The following RRM2 variants were observed in gnomAD, a reference collection of about 807,000 sequenced individuals.
RRM2 encodes ribonucleoside-diphosphate reductase subunit M2.
In RRM2, 6 loss-of-function variants were observed where a neutral mutation model predicts 45.9. That is an observed-to-expected ratio of 0.13 (90% CI 0.07 to 0.26). The LOEUF (loss-of-function observed/expected upper bound fraction) is 0.26. Among genes scored for constraint, RRM2 ranks in the 10% least tolerant of loss-of-function variants. The pLI, the probability that RRM2 is intolerant of heterozygous loss-of-function variation, is 1.00. For synonymous variants in RRM2, 177 were observed against 173.0 expected (o/e 1.02, Z -0.18); for missense variants, 343 against 489.5 (o/e 0.70, Z 2.82).
In RRM2 at chr2:10,185,270, CG is replaced by C. The variant is rs1438630377; in HGVS notation, n.483-25040del. On this transcript the variant is annotated intron_variant and non_coding_transcript_variant, in intron 3 of 3. Transcript: ENST00000381786. The surrounding 1 kb of genome is among the most constrained non-coding windows in gnomAD (Gnocchi z 4.3). ...GAGAGAGCGTGAAAGCGAGACAGAGCGTGAGAGTGAGAGAGAGAGAGAGAGG... is the reference window on the plus strand; with the variant it reads ...GAGAGAGCGTGAAAGCGAGACAGAGCTGAGAGTGAGAGAGAGAGAGAGAGG... Among the ~76,000 whole-genome samples the C allele has an allele frequency of 2.1e-5, 3 of 139,642 alleles. No homozygotes were observed. Among genetic ancestry groups the C allele is most frequent in the Non-Finnish European group, 5.0e-5 (3 of 60,174 alleles). The allele number at this position is 139,642 out of a possible 152,430, so 91.6% of individuals were successfully genotyped here.
downstream of RRM2, among the ~76,000 whole-genome samples, chr2:10,131,737 A>G (rs887177789): frequency 2.6e-5 from 4 of 151,126 alleles, no homozygotes; most frequent in African/African-American, 7.3e-5. Context: ...AGACTGTCTG[A>G]AAAAAAAAGG....
intron 5 of RRM2, among the ~76,000 whole-genome samples, chr2:10,125,351 TG>T (rs992338399): frequency 1.3e-5 from 2 of 152,188 alleles, no homozygotes; most frequent in Non-Finnish European, 2.9e-5. Context: ...AGGTCTGTTT[TG>T]TTTTGGAGAT....
intron 3 of RRM2, among the ~76,000 whole-genome samples, chr2:10,167,655 C>T (rs1008716982): frequency 2.6e-5 from 4 of 152,128 alleles, no homozygotes; most frequent in Non-Finnish European, 5.9e-5. Flanking sequence ...TCTCTCTGGG[C>T]CAGGAGGAAG....
chr2:10,162,087 C>G (rs1663573505), intron 3 of RRM2, among the ~76,000 whole-genome samples: 1 of 152,224 alleles, frequency 6.6e-6, no homozygotes, highest in African/African-American at 2.4e-5. Context: ...ACCCACAGCT[C>G]CCATCCGCCG....
At chr2:10,177,455 C>A (rs1322964116) in intron 3 of RRM2, among the ~76,000 whole-genome samples, 1 of 152,104 alleles carries the variant, frequency 6.6e-6, no homozygotes. Context: ...CCCTTTTCTC[C>A]TGTGGTAACA....
intron 3 of RRM2, among the ~76,000 whole-genome samples, chr2:10,202,374 C>T (rs1163458828): frequency 3.3e-5 from 5 of 152,176 alleles, no homozygotes; most frequent in Admixed American, 3.3e-4. Context: ...TGGGTTTCAG[C>T]ACCAAATGTA....
downstream of RRM2, among the ~76,000 whole-genome samples, chr2:10,135,686 A>G (rs1662976953): frequency 6.6e-6 from 1 of 152,200 alleles, no homozygotes; most frequent in Non-Finnish European, 1.5e-5. Context: ...CTAGCTATAA[A>G]TGATTGCCAA....
rs747708836 is a variant in RRM2, at chr2:10,195,819, T to C, written n.483-14492T>C. 3.3e-5 allele frequency among the ~76,000 whole-genome samples: 5 copies of C among 152,200 alleles called. No homozygotes were observed. The highest frequency in any genetic ancestry group is 7.3e-5 in the Non-Finnish European group (5 of 68,040). The stretch of plus-strand genomic sequence containing the variant: ...GTAAGTAGTGACCTGGCCTGGCCGA[T>C]GCTGTGTTAGGATAAACGTGCTAAG... On this transcript the variant is annotated intron_variant and non_coding_transcript_variant, in intron 3 of 3. Coordinates refer to the RRM2 transcript ENST00000381786. This position sits in a 1 kb window ranked among gnomAD's most constrained non-coding sequence, Gnocchi z 4.9.
In RRM2 at chr2:10,159,618, A is replaced by G. The variant is rs557651494; in HGVS notation, n.482+17243A>G. Among the ~76,000 whole-genome samples the G allele has an allele frequency of 5.3e-5, 8 of 152,324 alleles. No individual in the cohort carries two copies. In the South Asian group the frequency reaches 1.4e-3, roughly 28 times the overall value. ...GCAAGAAAAGAAAGACTCCAGGATG[A>G]CTGAGGTTTAGGCGTCACTGGGTTG... On this transcript the variant is annotated intron_variant and non_coding_transcript_variant, in intron 3 of 3. Transcript: ENST00000381786.
At chr2:10,200,095 A>T (rs1486802466) in intron 3 of RRM2, among the ~76,000 whole-genome samples, 1 of 152,132 alleles carries the variant, frequency 6.6e-6, no homozygotes, top group East Asian at 1.9e-4. Flanking sequence ...AGCCTCCCAA[A>T]GTGCTGGGAT....
chr2:10,204,221 A>G lies in RRM2; in HGVS notation n.483-6090A>G, dbSNP rs183005784. Reference sequence around the variant, plus strand: ...TGGCTTCGTCCAACAGCAGAGCCCAACCTCCAGGGCAGACTGACCCGTGAT... The same window carrying G: ...TGGCTTCGTCCAACAGCAGAGCCCAGCCTCCAGGGCAGACTGACCCGTGAT... On this transcript the variant is annotated intron_variant and non_coding_transcript_variant, in intron 3 of 3. Coordinates refer to the RRM2 transcript ENST00000381786. This position sits in a 1 kb window ranked among gnomAD's most constrained non-coding sequence, Gnocchi z 4.0. 7.6e-4 allele frequency among the ~76,000 whole-genome samples: 116 copies of G among 152,110 alleles called. 2 individuals carry two copies. The East Asian group carries it at 0.021, about 28-fold the overall frequency.
intron 3 of RRM2, among the ~76,000 whole-genome samples, chr2:10,190,737 A>G (rs112455259): frequency 7.7e-6 from 1 of 130,384 alleles, no homozygotes; most frequent in Non-Finnish European, 1.7e-5. Context: ...CTTGGCGGTG[A>G]TGGTGGTGAT....
Position 10,172,190 on chromosome 2 carries a change from C to T in RRM2, n.482+29815C>T, listed in dbSNP as rs1448290534. 2.6e-5 allele frequency among the ~76,000 whole-genome samples: 4 copies of T among 152,138 alleles called. No homozygotes were observed. Among genetic ancestry groups the T allele is most frequent in the Non-Finnish European group, 5.9e-5 (4 of 68,010 alleles). On this transcript the variant is annotated intron_variant and non_coding_transcript_variant, in intron 3 of 3. Coordinates refer to the RRM2 transcript ENST00000381786. This position sits in a 1 kb window ranked among gnomAD's most constrained non-coding sequence, Gnocchi z 4.9. Reference sequence around the variant, plus strand: ...CTAACTAGCCTGCTGTGTCGCCTTGCAAGGGGTGAGATTTCTCTGCTCTAA... The same window carrying T: ...CTAACTAGCCTGCTGTGTCGCCTTGTAAGGGGTGAGATTTCTCTGCTCTAA...
At chr2:10,182,055 T>A (rs931522443) in intron 3 of RRM2, among the ~76,000 whole-genome samples, 1 of 152,172 alleles carries the variant, frequency 6.6e-6, no homozygotes, top group Non-Finnish European at 1.5e-5. Context: ...TGTGAGCCAC[T>A]GTGCCTGGCT....
rs985025302 is a variant in RRM2 at position 10,204,831 on chromosome 2, C to T, written n.483-5480C>T. On this transcript the variant is annotated intron_variant and non_coding_transcript_variant, in intron 3 of 3. Transcript: ENST00000381786. The surrounding 1 kb of genome is among the most constrained non-coding windows in gnomAD (Gnocchi z 4.0). ...GGCACTGAACGCCGAGGCCACGGCC[C>T]GTCCTGATGTGGTCAGAGATGTCGT... 3.3e-5 allele frequency among the ~76,000 whole-genome samples: 5 copies of T among 152,244 alleles called. No individual in the cohort carries two copies. Among genetic ancestry groups the T allele is most frequent in the Non-Finnish European group, 7.3e-5 (5 of 68,046 alleles).
At chr2:10,123,208 G>A in intron 2 of RRM2, 151 bp downstream of exon 2, 1 of 1,281,278 alleles carries the variant, frequency 7.8e-7, no homozygotes, top group South Asian at 1.5e-5. Flanking sequence ...GCGCCCCTCG[G>A]CCCATTTCCC....
At chr2:10,136,439 G>T (rs1486470944), upstream of RRM2, among the ~76,000 whole-genome samples, 1 of 152,152 alleles carries the variant, frequency 6.6e-6, no homozygotes, top group Non-Finnish European at 1.5e-5. Flanking sequence ...GCCTTGAAAA[G>T]GCACGCTGTC....
intron 3 of RRM2, among the ~76,000 whole-genome samples, chr2:10,177,703 CTTCCTCT>C (rs1663950710): frequency 1.4e-5 from 2 of 146,824 alleles, no homozygotes; most frequent in African/African-American, 5.4e-5. Flanking sequence ...TCCTTCCTTC[CTTCCTCT>C]CTCCCTCCCT....
At chr2:10,202,433 A>G (rs745851004) in intron 3 of RRM2, among the ~76,000 whole-genome samples, 19 of 152,350 alleles carry the variant, frequency 1.2e-4, no homozygotes, top group Middle Eastern at 3.4e-3. Flanking sequence ...CAACAGTCAA[A>G]GACAGATTTA....
Sources: gnomAD v4.1 joint callset for allele counts (sites outside exome capture counted in the v4.1 genomes callset) on GRCh38, gnomAD v4.1.1 for gene constraint, Gnocchi (gnomAD v3.1) non-coding constraint, MANE v1.5 for transcripts, NCBI Gene and HGNC (gene_info 2026-07-23, HGNC 2026-07-21) for gene names.